Variants in SLF1 observed in about 807,000 individuals in gnomAD.
SLF1 encodes SMC5-SMC6 complex localization factor protein 1.
SLF1 carries 105 observed loss-of-function variants against 123.0 expected under a neutral mutation model. The observed-to-expected ratio is 0.85, with a 90% CI of 0.73 to 1.00. The LOEUF (loss-of-function observed/expected upper bound fraction) is 1.00, where lower values mean the gene tolerates loss of function less well. Ranked by LOEUF, SLF1 falls within the 50% of genes least tolerant of loss-of-function variation. SLF1 has a pLI of 0.00. For synonymous variants in SLF1, 434 were observed against 406.6 expected (o/e 1.07, Z -0.81); for missense variants, 1,239 against 1,223.0 (o/e 1.01, Z -0.20).
chr5:94,654,756 A>C lies in SLF1; in HGVS notation c.1155+4A>C. On this transcript the variant is annotated splice_donor_region_variant and intron_variant, in intron 9 of 20. Coordinates refer to ENST00000265140, the MANE Select transcript of SLF1 (RefSeq NM_032290.4). ...GAAGCACATATATAGAGCTCAGGTA[A>C]AACTTGGCACATGAAAAATTTTGTA... 6.7e-7 allele frequency: 1 copy of C among 1,494,136 alleles called. No homozygotes were observed. Among genetic ancestry groups the C allele is most frequent in the East Asian group, 2.5e-5 (1 of 39,434 alleles). The allele number at this position is 1,494,136 out of a possible 1,614,324, so 92.6% of individuals were successfully genotyped here.
chr5:94,682,957 T>C (rs1400147706), intron 15 of SLF1, among the ~76,000 whole-genome samples: 1 of 152,188 alleles, frequency 6.6e-6, no homozygotes, highest in Admixed American at 6.5e-5. Context: ...AGACAATACA[T>C]AAACAGACAG....
At chr5:94,642,393 T>C (rs776368320) in intron 4 of SLF1, among the ~76,000 whole-genome samples, 6 of 152,254 alleles carry the variant, frequency 3.9e-5, no homozygotes, top group Non-Finnish European at 5.9e-5. Flanking sequence ...ACTGTGATGC[T>C]AGCTATACTT....
intron 15 of SLF1, among the ~76,000 whole-genome samples, chr5:94,679,553 C>T (rs1055002694): frequency 2.6e-5 from 4 of 152,016 alleles, no homozygotes; most frequent in African/African-American, 9.7e-5. Flanking sequence ...GATTGTGCCA[C>T]TGCACTCCAG....
At chr5:94,625,886 T>C (rs1047998530) in intron 1 of SLF1, among the ~76,000 whole-genome samples, 2 of 152,202 alleles carry the variant, frequency 1.3e-5, no homozygotes, top group East Asian at 3.8e-4. Flanking sequence ...TTTTTATGTA[T>C]TGCTGGTCCA....
chr5:94,663,773 A>G lies in SLF1; in HGVS notation c.1233A>G (p.Arg411=), dbSNP rs1319497405. 2 of 1,541,328 alleles carry G rather than the reference A, an allele frequency of 1.3e-6. No individual in the cohort carries two copies. The highest frequency in any genetic ancestry group is 2.5e-5 in the South Asian group (2 of 80,754). ...NVEVKNAEFP[R]GVLNLIESLI... is the part of the protein sequence containing the mutation. ...AGGTTAAAAATGCTGAATTTCCCAGAGGTGTATTAAATTTAATTGAAAGCC... is the reference window on the plus strand; with the variant it reads ...AGGTTAAAAATGCTGAATTTCCCAGGGGTGTATTAAATTTAATTGAAAGCC... The change falls in exon 11 of 21, where the codon AGA becomes AGG. Residue 411 remains arginine (R), a synonymous_variant. Transcript: ENST00000265140.
intron 4 of SLF1, among the ~76,000 whole-genome samples, chr5:94,640,961 C>A (rs1285458175): frequency 6.6e-6 from 1 of 152,120 alleles, no homozygotes; most frequent in Non-Finnish European, 1.5e-5. Flanking sequence ...TGATTCCTTT[C>A]TCTTAACAGT....
chr5:94,647,792 T>C (rs1413878274), intron 5 of SLF1, among the ~76,000 whole-genome samples: 1 of 152,242 alleles, frequency 6.6e-6, no homozygotes, highest in Non-Finnish European at 1.5e-5. Context: ...TGTTTAGCTG[T>C]ATAGATAATA....
intron 15 of SLF1, among the ~76,000 whole-genome samples, chr5:94,682,016 G>C (rs1258053116): frequency 6.6e-6 from 1 of 152,088 alleles, no homozygotes; most frequent in African/African-American, 2.4e-5. Flanking sequence ...GCGTGTGTGT[G>C]CATGTGTGTG....
At chr5:94,639,110 GGCTCACT>G (rs1362341169) in intron 4 of SLF1, among the ~76,000 whole-genome samples, 1 of 127,564 alleles carries the variant, frequency 7.8e-6, no homozygotes, top group Non-Finnish European at 1.6e-5. Flanking sequence ...GCACCATCTT[GGCTCACT>G]GCAACCTCTG....
In SLF1 at chr5:94,665,956, T is replaced by C. The variant is rs546479117; in HGVS notation, c.1464T>C (p.Tyr488=). 20 of 1,551,374 alleles carry C rather than the reference T, an allele frequency of 1.3e-5. No individual in the cohort carries two copies. In the African/African-American group the frequency reaches 1.9e-4, roughly 15 times the overall value. The change falls in exon 12 of 21, where the codon TAT becomes TAC. Residue 488 remains tyrosine (Y), a synonymous_variant. Coordinates refer to ENST00000265140, the MANE Select transcript of SLF1 (RefSeq NM_032290.4). ...GGAAGTCTCCAGCCATGTCGAGATA[T>C]TATTTAGAGTTGTTTCAGTGTCCAA... ...PPWKSPAMSR[Y]YLELFQCPTC...
At chr5:94,662,462 T>C in intron 10 of SLF1, 111 bp downstream of exon 10, 2 of 796,412 alleles carry the variant, frequency 2.5e-6, no homozygotes. Context: ...AAAGGTAACG[T>C]ATTATATGCA....
chr5:94,626,170 G>C (rs1324174536), intron 1 of SLF1, among the ~76,000 whole-genome samples: 8 of 150,836 alleles, frequency 5.3e-5, no homozygotes, highest in African/African-American at 9.8e-5. Context: ...GGAGAATGGC[G>C]TGAACCCAGG....
chr5:94,657,515 G>A (rs879484316), intron 9 of SLF1, among the ~76,000 whole-genome samples: 1 of 152,042 alleles, frequency 6.6e-6, no homozygotes, highest in Non-Finnish European at 1.5e-5. Flanking sequence ...GTATTCTGAA[G>A]CTGTTAGATA....
chr5:94,662,460 C>T (rs149997030), intron 10 of SLF1, 109 bp downstream of exon 10: 139 of 807,488 alleles, frequency 1.7e-4, no homozygotes, highest in African/African-American at 1.0e-3. Context: ...TAAAAGGTAA[C>T]GTATTATATG....
rs1213712935 is a variant in SLF1, at chr5:94,649,483, A to T, written c.624A>T (p.Gln208His). 6.6e-7 allele frequency: 1 copy of T among 1,514,626 alleles called. No individual in the cohort carries two copies. Among genetic ancestry groups the T allele is most frequent in the Non-Finnish European group, 8.9e-7 (1 of 1,122,452 alleles). 93.8% of individuals were successfully genotyped at this position (1,514,626 alleles called of 1,614,324 possible). Residue 208 changes from glutamine (Q) to histidine (H), a missense_variant, in exon 6 of 21, where the codon CAA becomes CAT. Gln to His is a conservative substitution (Grantham distance 24). Transcript: ENST00000265140. ...EKEIQNDEDS[Q>H]TNSVWTEHSN... ...AAATTCAGAATGATGAAGATTCCCAAACCAATTCTGTTTGGACTGAACATA... is the reference window on the plus strand; with the variant it reads ...AAATTCAGAATGATGAAGATTCCCATACCAATTCTGTTTGGACTGAACATA...
At chr5:94,687,200 C>CTGAGTGCCTGTAGG (rs35002228) in intron 16 of SLF1, among the ~76,000 whole-genome samples, 4 of 152,172 alleles carry the variant, frequency 2.6e-5, no homozygotes, top group Non-Finnish European at 5.9e-5. Flanking sequence ...AGCGGCCGTG[C>CTGAGTGCCTGTAGG]TGAGTGCCTG....
At position 94,665,915 on chromosome 5, in the gene SLF1, C is replaced by T; in HGVS notation, c.1423C>T (p.His475Tyr). 1.3e-6 allele frequency: 2 copies of T among 1,550,554 alleles called. No homozygotes were observed. Among genetic ancestry groups the T allele is most frequent in the Non-Finnish European group, 1.7e-6 (2 of 1,145,858 alleles). ...RYFHILSALL[H>Y]LHPPWKSPAM... ...CTTTCATATATTGTCAGCTCTTCTT[C>T]ACCTGCATCCTCCTTGGAAGTCTCC... Residue 475 changes from histidine (H) to tyrosine (Y), a missense_variant, in exon 12 of 21, where the codon CAC becomes TAC. Transcript: ENST00000265140.
intron 15 of SLF1, among the ~76,000 whole-genome samples, chr5:94,684,620 C>T (rs1752185859): frequency 6.8e-6 from 1 of 146,192 alleles, no homozygotes; most frequent in African/African-American, 2.6e-5. Flanking sequence ...ATGGTGTGAA[C>T]CCGGGAGGCA....
intron 1 of SLF1, among the ~76,000 whole-genome samples, chr5:94,625,409 A>T (rs1250440026): frequency 6.6e-6 from 1 of 151,790 alleles, no homozygotes; most frequent in Non-Finnish European, 1.5e-5. Flanking sequence ...TTTGAGACAG[A>T]GTCTCGCTCT....
Sources: gnomAD v4.1 joint callset for allele counts (sites outside exome capture counted in the v4.1 genomes callset) on GRCh38, gnomAD v4.1.1 for gene constraint, MANE v1.5 for transcripts, NCBI Gene and HGNC (gene_info 2026-07-23, HGNC 2026-07-21) for gene names.